The following ATP8A2 variants were observed in gnomAD, a reference collection of about 807,000 sequenced individuals.
The protein encoded by ATP8A2 is ATPase phospholipid transporting 8A2.
ATP8A2 carries 100 observed loss-of-function variants against 165.6 expected under a neutral mutation model. The observed-to-expected ratio is 0.60, with a 90% CI of 0.51 to 0.71. The LOEUF (loss-of-function observed/expected upper bound fraction) is 0.71, where lower values mean the gene tolerates loss of function less well. Ranked by LOEUF, ATP8A2 falls within the 30% of genes least tolerant of loss-of-function variation. ATP8A2 has a pLI of 0.00. For synonymous variants in ATP8A2, 543 were observed against 548.8 expected, an observed-to-expected ratio of 0.99 and a Z score of 0.15; for missense variants, 1,227 against 1,479.5, an observed-to-expected ratio of 0.83 and a Z score of 2.80.
chr13:25,968,722 C>A, intron 35 of ATP8A2, 43 bp downstream of exon 35: 2 of 1,482,912 alleles, frequency 1.3e-6, no homozygotes, highest in East Asian at 2.3e-5. Context: ...CAGGTGCTCC[C>A]GGCCCTTTTC....
chr13:25,384,659 C>CT (rs1185589723), intron 1 of ATP8A2, among the ~76,000 whole-genome samples: 2 of 148,472 alleles, frequency 1.3e-5, no homozygotes, highest in African/African-American at 2.6e-5. Flanking sequence ...GGAAAGATCT[C>CT]TAACTGACTC....
intron 33 of ATP8A2, among the ~76,000 whole-genome samples, chr13:25,959,626 A>G (rs1298097172): frequency 6.6e-6 from 1 of 152,196 alleles, no homozygotes; most frequent in African/African-American, 2.4e-5. Context: ...CCACCATGAC[A>G]GATCCTCTAT....
chr13:25,555,034 C>G lies in ATP8A2; in HGVS notation c.1229C>G (p.Ala410Gly). Residue 410 changes from alanine to glycine, a missense_variant, in exon 13 of 37, where the codon GCC becomes GGC. Physicochemically the swap from Ala to Gly is moderately conservative, Grantham distance 60 (BLOSUM62 0). Coordinates refer to ENST00000381655, the MANE Select transcript of ATP8A2 (RefSeq NM_016529.6). ...ATAGGAAATGACACTCCTGCCATGGCCAGGACATCAAACCTTAATGAAGAG... is the reference window on the plus strand; with the variant it reads ...ATAGGAAATGACACTCCTGCCATGGGCAGGACATCAAACCTTAATGAAGAG... The part of the protein sequence containing the change: ...YYIGNDTPAM[A>G]RTSNLNEELG... The G allele has an allele frequency of 1.2e-6, 2 of 1,612,596 alleles. No homozygotes were observed. Among genetic ancestry groups the G allele is most frequent in the Non-Finnish European group, 8.5e-7 (1 of 1,178,914 alleles).
chr13:25,566,560 CGGAGACTGCTCTT>C (rs2039320166), intron 16 of ATP8A2, among the ~76,000 whole-genome samples: 1 of 152,078 alleles, frequency 6.6e-6, no homozygotes, highest in Non-Finnish European at 1.5e-5. Flanking sequence ...ATAGGAGCTC[CGGAGACTGCTCTT>C]GGTCCAGTTT....
intron 27 of ATP8A2, among the ~76,000 whole-genome samples, chr13:25,810,117 G>A (rs184934296): frequency 6.6e-6 from 1 of 152,284 alleles, no homozygotes; most frequent in Admixed American, 6.5e-5. Flanking sequence ...CTTTCCTTCA[G>A]CTTTTGGTAG....
intron 1 of ATP8A2, among the ~76,000 whole-genome samples, chr13:25,406,674 AT>A (rs1467217586): frequency 6.6e-6 from 1 of 152,162 alleles, no homozygotes; most frequent in African/African-American, 2.4e-5. Context: ...CATGGAGACC[AT>A]GTTTGGGGTT....
chr13:25,868,266 T>G (rs752482429), intron 33 of ATP8A2: 4 of 346,474 alleles, frequency 1.2e-5, no homozygotes, highest in African/African-American at 2.2e-5. Flanking sequence ...TTATTAGTTT[T>G]TTAGATAACA....
chr13:25,374,800 G>A (rs575286526), intron 1 of ATP8A2, among the ~76,000 whole-genome samples: 6 of 152,140 alleles, frequency 3.9e-5, no homozygotes, highest in Non-Finnish European at 7.4e-5. Flanking sequence ...TGGAAACAGG[G>A]GCAGAGGGCC....
At chr13:25,732,005 C>A (rs1566086611) in intron 25 of ATP8A2, among the ~76,000 whole-genome samples, 1 of 152,128 alleles carries the variant, frequency 6.6e-6, no homozygotes, top group Non-Finnish European at 1.5e-5. Flanking sequence ...ACTCCGGGGT[C>A]CCTGAATTGT....
chr13:25,472,254 C>T (rs374684930), intron 2 of ATP8A2, among the ~76,000 whole-genome samples: 4 of 152,124 alleles, frequency 2.6e-5, no homozygotes, highest in South Asian at 4.2e-4. Context: ...ATTAGCCGGG[C>T]GTGGTGGTGC....
chr13:25,681,439 G>A (rs540498535), intron 24 of ATP8A2, among the ~76,000 whole-genome samples: 8 of 152,272 alleles, frequency 5.3e-5, no homozygotes, highest in South Asian at 2.1e-4. Flanking sequence ...TCAGGAGTTG[G>A]CAGGTATATA....
chr13:25,918,417 C>T (rs1042749716), intron 33 of ATP8A2, among the ~76,000 whole-genome samples: 26 of 152,218 alleles, frequency 1.7e-4, no homozygotes, highest in African/African-American at 4.8e-4. Context: ...TTGATGGTGG[C>T]TCCGTTGTTG....
In ATP8A2 at chr13:25,500,965, G is replaced by A. The variant is rs534759649; in HGVS notation, c.222-29034G>A. On this transcript the variant is annotated intron_variant, in intron 2 of 36. Transcript: ENST00000381655. ...TACCTGTGCATTTTTTTATTTGTACGCCTTATGTATTTTTTCACTTTTGAA... is the reference window on the plus strand; with the variant it reads ...TACCTGTGCATTTTTTTATTTGTACACCTTATGTATTTTTTCACTTTTGAA... Among the ~76,000 whole-genome samples, 5 of 152,008 alleles carry A rather than the reference G, an allele frequency of 3.3e-5. No homozygotes were observed. In the South Asian group the frequency reaches 1.0e-3, roughly 32 times the overall value.
intron 10 of ATP8A2, among the ~76,000 whole-genome samples, chr13:25,550,175 G>A (rs1221566842): frequency 5.3e-5 from 8 of 152,008 alleles, no homozygotes; most frequent in African/African-American, 1.9e-4. Context: ...GCGTGATGGT[G>A]GGCGCCTGTA....
intron 7 of ATP8A2, among the ~76,000 whole-genome samples, chr13:25,538,727 G>A (rs1404387123): frequency 6.6e-6 from 1 of 152,136 alleles, no homozygotes; most frequent in African/African-American, 2.4e-5. Context: ...ATTGTGTGAC[G>A]TTAGGACTAT....
chr13:25,897,852 C>T (rs1337291017), intron 33 of ATP8A2, among the ~76,000 whole-genome samples: 4 of 152,192 alleles, frequency 2.6e-5, no homozygotes, highest in Non-Finnish European at 4.4e-5. Context: ...GTGCATTCAT[C>T]GCGTAGTTCT....
At chr13:25,772,872 G>C (rs2044655861) in intron 26 of ATP8A2, among the ~76,000 whole-genome samples, 1 of 151,968 alleles carries the variant, frequency 6.6e-6, no homozygotes, top group Non-Finnish European at 1.5e-5. Context: ...TGATTGTCCT[G>C]CCTCAGCCTC....
intron 7 of ATP8A2, among the ~76,000 whole-genome samples, chr13:25,539,414 GTT>G (rs77458058): frequency 4.7e-5 from 7 of 148,246 alleles, no homozygotes; most frequent in African/African-American, 9.9e-5. Context: ...TGCCCAGCCA[GTT>G]TTTTTTTTTT....
At chr13:25,387,796 G>A (rs1008694247) in intron 1 of ATP8A2, among the ~76,000 whole-genome samples, 7 of 152,162 alleles carry the variant, frequency 4.6e-5, no homozygotes, top group Non-Finnish European at 8.8e-5. Flanking sequence ...TGGCGTGGTG[G>A]CTCATGCCTG....
Sources: gnomAD v4.1 joint callset for allele counts (sites outside exome capture counted in the v4.1 genomes callset) on GRCh38, gnomAD v4.1.1 for gene constraint, MANE v1.5 for transcripts, NCBI Gene and HGNC (gene_info 2026-07-23, HGNC 2026-07-21) for gene names.